The following FTO variants were observed in gnomAD, a reference collection of about 807,000 sequenced individuals.
FTO encodes the protein FTO alpha-ketoglutarate dependent dioxygenase.
In FTO, 47 loss-of-function variants were observed where a neutral mutation model predicts 63.9. The observed-to-expected ratio is 0.74, with a 90% CI of 0.58 to 0.94. The LOEUF is 0.94. Among genes scored for constraint, FTO ranks in the 40% least tolerant of loss-of-function variants. The pLI is 0.00. For missense variants in FTO, 562 were observed against 618.1 expected (o/e 0.91, Z 0.96); for synonymous variants, 207 against 224.4 (o/e 0.92, Z 0.69).
intron 8 of FTO, chr16:53,993,555 C>T (rs1015022643): frequency 6.6e-6 from 1 of 152,160 alleles, no homozygotes; most frequent in Admixed American, 6.5e-5. Flanking sequence ...TTGGGGAAAA[C>T]CAGCCCACCT....
chr16:54,012,474 A>G (rs569830948), intron 8 of FTO, among the ~76,000 whole-genome samples: 1 of 152,204 alleles, frequency 6.6e-6, no homozygotes, highest in Non-Finnish European at 1.5e-5. Flanking sequence ...TATCCAGAAG[A>G]TCTAGCTAAG....
intron 8 of FTO, chr16:53,981,207 C>T (rs1179983455): frequency 1.3e-5 from 2 of 152,230 alleles, no homozygotes; most frequent in Non-Finnish European, 2.9e-5. Context: ...TGCCTGTAGG[C>T]CCAGCTAATC....
At chr16:53,721,132 T>C (rs989305023) in intron 1 of FTO, among the ~76,000 whole-genome samples, 5 of 152,296 alleles carry the variant, frequency 3.3e-5, no homozygotes, top group East Asian at 3.9e-4. Context: ...TGATCCTCAA[T>C]TGGACCAAGA....
At chr16:54,067,826 A>T (rs1379872399) in intron 8 of FTO, among the ~76,000 whole-genome samples, 1 of 152,184 alleles carries the variant, frequency 6.6e-6, no homozygotes, top group Admixed American at 6.5e-5. Flanking sequence ...TTTACTTTCT[A>T]TAGTAGTTTC....
chr16:53,924,248 G>T (rs909427820), intron 7 of FTO, among the ~76,000 whole-genome samples: 2 of 152,120 alleles, frequency 1.3e-5, no homozygotes, highest in Admixed American at 6.5e-5. Context: ...CACGAGTTCG[G>T]TGCTATTACT....
At chr16:53,786,173 T>C (rs1252215540) in intron 1 of FTO, among the ~76,000 whole-genome samples, 1 of 152,184 alleles carries the variant, frequency 6.6e-6, no homozygotes, top group Non-Finnish European at 1.5e-5. Context: ...GTTGATACAC[T>C]GCCCCTACCC....
chr16:53,732,843 G>A (rs2076305439), intron 1 of FTO, among the ~76,000 whole-genome samples: 1 of 152,192 alleles, frequency 6.6e-6, no homozygotes, highest in African/African-American at 2.4e-5. Context: ...AAGGAGCATT[G>A]TAGCAGGGGA....
intron 2 of FTO, among the ~76,000 whole-genome samples, chr16:53,811,756 T>C (rs1598725668): frequency 6.6e-6 from 1 of 152,140 alleles, no homozygotes; most frequent in African/African-American, 2.4e-5. Context: ...AGTTTCATCT[T>C]TGGGGCCTTC....
In FTO at chr16:54,062,373, G is replaced by T. The variant is rs534943265; in HGVS notation, c.1365-49389G>T. Reference sequence around the variant, plus strand: ...GGGTATTGTAGTGTGCTTGGCAGGGGGGTGCGGCAGGAAAGTGACAGACCT... The same window carrying T: ...GGGTATTGTAGTGTGCTTGGCAGGGTGGTGCGGCAGGAAAGTGACAGACCT... On this transcript the variant is annotated intron_variant, in intron 8 of 8. Coordinates refer to ENST00000471389, the MANE Select transcript of FTO (RefSeq NM_001080432.3). 3.9e-5 allele frequency among the ~76,000 whole-genome samples: 6 copies of T among 152,232 alleles called. No individual in the cohort carries two copies. In the South Asian group the frequency reaches 1.2e-3, roughly 32 times the overall value.
rs375188265 is a variant in FTO, at chr16:53,895,836, G to T, written c.1239+6885G>T. On this transcript the variant is annotated intron_variant, in intron 7 of 8. Coordinates refer to ENST00000471389, the MANE Select transcript of FTO (RefSeq NM_001080432.3). ...AAAATGCTGAAGATGCTGAGACAAA[G>T]TGACAGGAGCTAGGAAATTCCAAGT... Among the ~76,000 whole-genome samples the T allele has an allele frequency of 5.3e-5, 8 of 152,280 alleles. No individual in the cohort carries two copies. In the South Asian group the frequency reaches 1.7e-3, roughly 32 times the overall value.
intron 3 of FTO, among the ~76,000 whole-genome samples, chr16:53,833,029 A>G (rs1023023944): frequency 2.6e-5 from 4 of 152,258 alleles, no homozygotes; most frequent in African/African-American, 4.8e-5. Flanking sequence ...GAATTCGCAC[A>G]TGTTGTGGGA....
chr16:53,871,157 T>G (rs1405352255), intron 4 of FTO, among the ~76,000 whole-genome samples: 3 of 152,182 alleles, frequency 2.0e-5, no homozygotes, highest in Non-Finnish European at 4.4e-5. Flanking sequence ...TTTTTTTGCT[T>G]AGAATTCGTT....
Position 53,747,969 on chromosome 16 carries a change from C to T in FTO, c.45+43740C>T, listed in dbSNP as rs143577229. ...TTGGCACGTTTGTCAAACCCACATACATGCATGGGTTCATTTCTGGGCTCT... is the reference window on the plus strand; with the variant it reads ...TTGGCACGTTTGTCAAACCCACATATATGCATGGGTTCATTTCTGGGCTCT... On this transcript the variant is annotated intron_variant, in intron 1 of 8. Transcript: ENST00000471389. Among the ~76,000 whole-genome samples, 416 of 152,228 alleles carry T rather than the reference C, an allele frequency of 2.7e-3. 5 individuals carry two copies. The highest frequency in any genetic ancestry group is 9.5e-3 in the African/African-American group (396 of 41,554).
At chr16:53,820,818 C>T (rs2078844474) in intron 2 of FTO, among the ~76,000 whole-genome samples, 1 of 152,034 alleles carries the variant, frequency 6.6e-6, no homozygotes, top group Admixed American at 6.5e-5. Context: ...GAAAATGACC[C>T]AGGGATGGGA....
chr16:53,824,111 G>GATATTATAATA (rs1567330213), intron 2 of FTO, among the ~76,000 whole-genome samples: 1 of 152,132 alleles, frequency 6.6e-6, no homozygotes, highest in Non-Finnish European at 1.5e-5. Context: ...ATAACTAAGA[G>GATATTATAATA]CGATTGTATA....
intron 8 of FTO, among the ~76,000 whole-genome samples, chr16:54,003,546 G>A (rs1200177400): frequency 6.6e-6 from 1 of 152,068 alleles, no homozygotes; most frequent in African/African-American, 2.4e-5. Context: ...TATAGAGACA[G>A]GGTCTTGCTA....
intron 8 of FTO, among the ~76,000 whole-genome samples, chr16:54,023,087 C>T (rs1210516246): frequency 1.3e-5 from 2 of 152,068 alleles, no homozygotes; most frequent in African/African-American, 2.4e-5. Flanking sequence ...GCAGTTTGCA[C>T]ATTGGTGAAT....
At chr16:54,029,519 A>G (rs1279444218) in intron 8 of FTO, among the ~76,000 whole-genome samples, 4 of 152,274 alleles carry the variant, frequency 2.6e-5, no homozygotes, top group Non-Finnish European at 5.9e-5. Flanking sequence ...ATGGGCCATA[A>G]ACACAAGCCA....
chr16:53,719,250 CTTCTTTTTTTTTTTT>C (rs2075971670), intron 1 of FTO, among the ~76,000 whole-genome samples: 1 of 85,982 alleles, frequency 1.2e-5, no homozygotes, highest in African/African-American at 4.5e-5. Flanking sequence ...TTTTCTTCTT[CTTCTTTTTTTTTTTT>C]TTTTTTTTTT....
Sources: allele counts gnomAD v4.1 joint callset (sites outside exome capture counted in the v4.1 genomes callset), GRCh38; gene constraint gnomAD v4.1.1; transcripts MANE v1.5; gene names NCBI Gene and HGNC (gene_info 2026-07-23, HGNC 2026-07-21).